The following ZNF423 variants were observed in gnomAD, a reference collection of about 807,000 sequenced individuals.
ZNF423 encodes the protein Ebf-associated zinc finger protein.
Under a neutral mutation model 95.8 loss-of-function variants are expected in ZNF423, and 12 were observed. The ratio of observed to expected loss-of-function variants is 0.13; its 90% CI spans 0.08 to 0.20. The LOEUF (loss-of-function observed/expected upper bound fraction) is 0.20. Ranked by LOEUF, ZNF423 falls within the 10% of genes least tolerant of loss-of-function variation. The probability of loss-of-function intolerance (pLI) is 1.00; values close to 1 mark genes in which losing one functional copy is unlikely to be tolerated. For synonymous variants in ZNF423, 749 were observed against 711.9 expected (o/e 1.05, Z -0.83); for missense variants, 1,316 against 1,737.1 (o/e 0.76, Z 4.31).
chr16:49,514,234 A>ACACACG (rs1491080537), intron 7 of ZNF423, among the ~76,000 whole-genome samples: 2 of 142,142 alleles, frequency 1.4e-5, no homozygotes, highest in South Asian at 4.3e-4. Flanking sequence ...ATGCGTACAC[A>ACACACG]CACACGCACA....
chr16:49,578,301 C>G (rs1367150716), intron 5 of ZNF423, among the ~76,000 whole-genome samples: 1 of 152,252 alleles, frequency 6.6e-6, no homozygotes, highest in African/African-American at 2.4e-5. Flanking sequence ...GGCATCCCAG[C>G]CCCCTGGCTC....
intron 2 of ZNF423, among the ~76,000 whole-genome samples, chr16:49,757,421 T>C (rs1485366419): frequency 6.6e-6 from 1 of 152,230 alleles, no homozygotes; most frequent in Non-Finnish European, 1.5e-5. Context: ...GCCAGCCCCC[T>C]GCTCCTACCA....
chr16:49,738,089 G>A (rs184544037), intron 2 of ZNF423, among the ~76,000 whole-genome samples: 3 of 152,134 alleles, frequency 2.0e-5, no homozygotes, highest in Admixed American at 1.3e-4. Flanking sequence ...ACAATCACAC[G>A]CACTCACCCA....
intron 3 of ZNF423, among the ~76,000 whole-genome samples, chr16:49,706,064 G>A (rs572567536): frequency 2.6e-5 from 4 of 152,224 alleles, no homozygotes; most frequent in South Asian, 2.1e-4. Context: ...AGAGAACAGC[G>A]TGGGCAAGGG....
At position 49,518,879 on chromosome 16, in the gene ZNF423, A is replaced by G. The variant is rs1292614566; in HGVS notation, c.3849+4745T>C. 1.1e-4 allele frequency among the ~76,000 whole-genome samples: 17 copies of G among 152,244 alleles called. 1 individual carries two copies. Among genetic ancestry groups the G allele is most frequent in the Non-Finnish European group, 2.2e-4 (15 of 67,998 alleles). On this transcript the variant is annotated intron_variant, in intron 7 of 7. Transcript: ENST00000563137. The stretch of plus-strand genomic sequence containing the variant: ...AGACCAGCCTGGGCAGTATCATGAG[A>G]CCCCACCTATAAAATTAAAAGTTAA...
At chr16:49,552,504 A>G (rs1448862114) in intron 5 of ZNF423, among the ~76,000 whole-genome samples, 1 of 152,140 alleles carries the variant, frequency 6.6e-6, no homozygotes, top group Non-Finnish European at 1.5e-5. Context: ...CCAGCTTGAT[A>G]TGAATATTGT....
At chr16:49,649,438 C>A (rs1377163669) in intron 3 of ZNF423, among the ~76,000 whole-genome samples, 3 of 152,076 alleles carry the variant, frequency 2.0e-5, no homozygotes, top group Admixed American at 6.6e-5. Flanking sequence ...GTAGGTATCC[C>A]AGCTCTCTAC....
chr16:49,721,850 T>A (rs900667545), intron 3 of ZNF423, among the ~76,000 whole-genome samples: 1 of 152,062 alleles, frequency 6.6e-6, no homozygotes, highest in Non-Finnish European at 1.5e-5. Context: ...TTTTTTCCCA[T>A]GGAAAACACA....
At chr16:49,731,731 G>A (rs1471970584) in intron 2 of ZNF423, among the ~76,000 whole-genome samples, 1 of 152,072 alleles carries the variant, frequency 6.6e-6, no homozygotes, top group African/African-American at 2.4e-5. Flanking sequence ...GATTGCTAGA[G>A]ACCAGGAGTT....
intron 3 of ZNF423, among the ~76,000 whole-genome samples, chr16:49,699,515 C>G (rs1596877418): frequency 6.6e-6 from 1 of 152,160 alleles, no homozygotes; most frequent in African/African-American, 2.4e-5. Flanking sequence ...CCGTTCTTCC[C>G]TGGAACCACA....
chr16:49,497,232 T>C (rs72784257), intron 7 of ZNF423, among the ~76,000 whole-genome samples: 1 of 151,782 alleles, frequency 6.6e-6, no homozygotes, highest in African/African-American at 2.4e-5. Context: ...TCTATTCATC[T>C]ATCCATCCAT....
intron 3 of ZNF423, among the ~76,000 whole-genome samples, chr16:49,643,687 A>C (rs935605733): frequency 3.9e-5 from 6 of 151,988 alleles, no homozygotes; most frequent in East Asian, 1.9e-4. Context: ...GAGTTAAAAA[A>C]ACACACACAC....
intron 3 of ZNF423, among the ~76,000 whole-genome samples, chr16:49,696,272 T>C (rs1028419218): frequency 4.6e-5 from 7 of 152,034 alleles, no homozygotes; most frequent in African/African-American, 1.7e-4. Flanking sequence ...GGGGGTGGGG[T>C]AGCAGGCTCA....
intron 2 of ZNF423, among the ~76,000 whole-genome samples, chr16:49,764,959 A>G (rs527489532): frequency 6.9e-6 from 1 of 145,310 alleles, no homozygotes; most frequent in South Asian, 2.2e-4. Flanking sequence ...CGGTTTCACC[A>G]TGTTGGCCAG....
At chr16:49,666,674 G>A (rs1258514756) in intron 3 of ZNF423, among the ~76,000 whole-genome samples, 3 of 152,304 alleles carry the variant, frequency 2.0e-5, no homozygotes, top group Middle Eastern at 6.8e-3. Context: ...AGCTCCTCAA[G>A]CTCCTGCCTA....
intron 2 of ZNF423, among the ~76,000 whole-genome samples, chr16:49,784,323 G>C (rs931000883): frequency 4.0e-5 from 6 of 151,896 alleles, no homozygotes; most frequent in African/African-American, 1.5e-4. Context: ...GATCCCTTGA[G>C]GTAGGAGTTC....
chr16:49,589,173 C>T (rs1970931056), intron 5 of ZNF423, among the ~76,000 whole-genome samples: 1 of 152,224 alleles, frequency 6.6e-6, no homozygotes, highest in Admixed American at 6.5e-5. Flanking sequence ...ATTCCAGTCT[C>T]AGTAGGTCAA....
chr16:49,531,636 T>C (rs1252777438), intron 5 of ZNF423, among the ~76,000 whole-genome samples: 3 of 152,126 alleles, frequency 2.0e-5, no homozygotes, highest in Non-Finnish European at 4.4e-5. Flanking sequence ...TGATCTGTCA[T>C]TAAATGCCAT....
At chr16:49,495,370 G>C (rs1336871819) in intron 7 of ZNF423, among the ~76,000 whole-genome samples, 1 of 152,206 alleles carries the variant, frequency 6.6e-6, no homozygotes, top group Non-Finnish European at 1.5e-5. Context: ...CCTGTGTGCT[G>C]CCTATGCTGG....
Sources: allele counts gnomAD v4.1 joint callset (sites outside exome capture counted in the v4.1 genomes callset), GRCh38; gene constraint gnomAD v4.1.1; transcripts MANE v1.5; gene names NCBI Gene and HGNC (gene_info 2026-07-23, HGNC 2026-07-21).